The following BMERB1 variants were observed in gnomAD, a reference collection of about 807,000 sequenced individuals.
BMERB1 encodes bMERB domain containing 1.
A neutral mutation model predicts 23.6 loss-of-function variants in BMERB1; 12 were observed. The observed-to-expected ratio is 0.51, with a 90% confidence interval of 0.33 to 0.82. BMERB1 has a LOEUF of 0.82. Ranked by LOEUF, BMERB1 falls within the 40% of genes least tolerant of loss-of-function variation. The probability of loss-of-function intolerance (pLI) is 0.03; values close to 1 mark genes in which losing one functional copy is unlikely to be tolerated. For missense variants in BMERB1, 247 were observed against 255.4 expected (o/e 0.97, Z 0.22); for synonymous variants, 122 against 96.6 (o/e 1.26, Z -1.54).
intron 2 of BMERB1, among the ~76,000 whole-genome samples, chr16:15,557,553 A>G (rs1399595915): frequency 6.6e-6 from 1 of 152,178 alleles, no homozygotes; most frequent in Non-Finnish European, 1.5e-5. Flanking sequence ...CTATCCACAC[A>G]TATGTATCTG....
At chr16:15,554,814 C>T (rs1248171293) in intron 2 of BMERB1, among the ~76,000 whole-genome samples, 2 of 151,774 alleles carry the variant, frequency 1.3e-5, no homozygotes, top group Admixed American at 6.6e-5. Context: ...CTACAGGTGC[C>T]CGCCACCACG....
At chr16:15,485,742 A>G (rs772904046) in intron 1 of BMERB1, among the ~76,000 whole-genome samples, 7 of 151,826 alleles carry the variant, frequency 4.6e-5, no homozygotes, top group Non-Finnish European at 1.0e-4. Context: ...AAACAACAAC[A>G]AGAAAAACTA....
At chr16:15,556,032 T>G (rs1442875858) in intron 2 of BMERB1, among the ~76,000 whole-genome samples, 1 of 151,938 alleles carries the variant, frequency 6.6e-6, no homozygotes, top group Non-Finnish European at 1.5e-5. Context: ...TACAAAAATT[T>G]GCTGGGCATG....
chr16:15,524,538 C>T (rs1191883801), intron 2 of BMERB1, among the ~76,000 whole-genome samples: 1 of 152,034 alleles, frequency 6.6e-6, no homozygotes, highest in Non-Finnish European at 1.5e-5. Flanking sequence ...GAGGCTGAGG[C>T]AGGTGGATCA....
chr16:15,444,123 G>GTTTTTGTTTTTTTT (rs2050966540), intron 1 of BMERB1, among the ~76,000 whole-genome samples: 2 of 35,610 alleles, frequency 5.6e-5, no homozygotes, highest in African/African-American at 1.3e-4. Flanking sequence ...CACCAGCTTT[G>GTTTTTGTTTTTTTT]TTTTTTTTTT....
intron 1 of BMERB1, chr16:15,447,868 G>A (rs942397983): frequency 2.0e-5 from 9 of 455,804 alleles, no homozygotes; most frequent in Non-Finnish European, 3.1e-5. Flanking sequence ...GACAAGGGAT[G>A]GAGGGAAAGA....
intron 1 of BMERB1, among the ~76,000 whole-genome samples, chr16:15,465,471 G>A (rs991295642): frequency 6.6e-6 from 1 of 151,236 alleles, no homozygotes; most frequent in African/African-American, 2.4e-5. Flanking sequence ...TCATGCCTCA[G>A]CCTCCCAAGT....
intron 3 of BMERB1, among the ~76,000 whole-genome samples, chr16:15,573,020 A>C (rs1400585499): frequency 2.6e-5 from 4 of 152,180 alleles, no homozygotes; most frequent in Non-Finnish European, 4.4e-5. Flanking sequence ...TGAGTCCATT[A>C]AACCTCTTTT....
intron 2 of BMERB1, among the ~76,000 whole-genome samples, chr16:15,541,346 G>A (rs2052076945): frequency 1.3e-5 from 2 of 151,524 alleles, no homozygotes; most frequent in South Asian, 4.2e-4. Context: ...CTGTTCAAGA[G>A]CTTTTATAAT....
intron 1 of BMERB1, among the ~76,000 whole-genome samples, chr16:15,480,359 C>T (rs2150934977): frequency 6.6e-6 from 1 of 152,100 alleles, no homozygotes. Flanking sequence ...CGTGATCCGC[C>T]CGTCTAGGCC....
intron 1 of BMERB1, among the ~76,000 whole-genome samples, chr16:15,456,025 G>A (rs921787962): frequency 3.3e-5 from 5 of 152,078 alleles, no homozygotes; most frequent in African/African-American, 1.2e-4. Context: ...CATTGCAGGG[G>A]CCACATAGAT....
chr16:15,479,287 A>G (rs142755734), intron 1 of BMERB1, among the ~76,000 whole-genome samples: 1 of 151,976 alleles, frequency 6.6e-6, no homozygotes, highest in Non-Finnish European at 1.5e-5. Flanking sequence ...AAATGTGTCA[A>G]ATGTGGAAGA....
At chr16:15,479,598 C>T (rs1377261308) in intron 1 of BMERB1, among the ~76,000 whole-genome samples, 2 of 151,770 alleles carry the variant, frequency 1.3e-5, no homozygotes, top group Admixed American at 6.6e-5. Context: ...ATACTCCAAC[C>T]AAAACAATAT....
intron 2 of BMERB1, among the ~76,000 whole-genome samples, chr16:15,539,841 CAA>C (rs377514039): frequency 2.5e-5 from 3 of 120,178 alleles, no homozygotes; most frequent in Admixed American, 8.7e-5. Flanking sequence ...GATTCCGTCT[CAA>C]AAAAAAAAAA....
At position 15,453,104 on chromosome 16, in the gene BMERB1, G is replaced by A. The variant is rs988582155; in HGVS notation, c.106+18345G>A. Among the ~76,000 whole-genome samples the A allele has an allele frequency of 2.6e-4, 40 of 152,168 alleles. 1 individual carries two copies. Among genetic ancestry groups the A allele is most frequent in the Admixed American group, 2.6e-3 (40 of 15,272 alleles). On this transcript the variant is annotated intron_variant, in intron 1 of 5. Coordinates refer to ENST00000300006, the MANE Select transcript of BMERB1 (RefSeq NM_033201.3). ...GGAGAATCACTTGAATCCGGGAGAC[G>A]GAGGTTGCAGTGAGCTGAGATCGCA...
At chr16:15,479,427 A>T (rs1450347753) in intron 1 of BMERB1, among the ~76,000 whole-genome samples, 1 of 152,226 alleles carries the variant, frequency 6.6e-6, no homozygotes, top group Non-Finnish European at 1.5e-5. Flanking sequence ...GTATGAATTG[A>T]TACAGTTTCA....
At chr16:15,542,946 G>A (rs937998014) in intron 2 of BMERB1, among the ~76,000 whole-genome samples, 5 of 152,260 alleles carry the variant, frequency 3.3e-5, no homozygotes, top group Admixed American at 6.5e-5. Flanking sequence ...GTTGCTGTAC[G>A]CAGATGACTA....
intron 2 of BMERB1, among the ~76,000 whole-genome samples, chr16:15,543,921 G>T (rs761718519): frequency 2.6e-5 from 4 of 152,158 alleles, no homozygotes; most frequent in Non-Finnish European, 4.4e-5. Context: ...CTAAAAATTG[G>T]AAATAAGGAA....
chr16:15,587,554 G>A lies in BMERB1; in HGVS notation c.*725G>A, dbSNP rs1248380096. On this transcript the variant is annotated 3_prime_UTR_variant, in exon 6 of 6. Transcript: ENST00000300006. ...ACTGGCATGGATCCAGTGTGCAGAAGAGCCAGCAGGGAACCGGAAGCTCTG... is the reference window on the plus strand; with the variant it reads ...ACTGGCATGGATCCAGTGTGCAGAAAAGCCAGCAGGGAACCGGAAGCTCTG... 1 of 453,214 alleles carries A rather than the reference G, an allele frequency of 2.2e-6. No individual in the cohort carries two copies. The highest frequency in any genetic ancestry group is 4.4e-6 in the Non-Finnish European group (1 of 224,900). 28.1% of individuals were successfully genotyped at this position (453,214 alleles called of 1,614,324 possible). A position where few individuals can be genotyped will look rare whatever the true frequency, so the allele number is the denominator to read the frequency against.
Sources: gnomAD v4.1 joint callset for allele counts (sites outside exome capture counted in the v4.1 genomes callset) on GRCh38, gnomAD v4.1.1 for gene constraint, MANE v1.5 for transcripts, NCBI Gene and HGNC (gene_info 2026-07-23, HGNC 2026-07-21) for gene names.